DLG2: variants seen among roughly 807,000 people sequenced by gnomAD.
The protein encoded by DLG2 is disks large homolog 2.
Under a neutral mutation model 132.5 loss-of-function variants are expected in DLG2, and 45 were observed. That is an observed-to-expected ratio of 0.34 (90% confidence interval 0.27 to 0.44). The LOEUF is 0.44. DLG2 is among the 20% of genes least tolerant of loss of function. The probability of loss-of-function intolerance (pLI) is 1.00; values close to 1 mark genes in which losing one functional copy is unlikely to be tolerated. For synonymous variants in DLG2, 424 were observed against 419.6 expected, an observed-to-expected ratio of 1.01 and a Z score of -0.13; for missense variants, 1,045 against 1,196.9, an observed-to-expected ratio of 0.87 and a Z score of 1.87.
chr11:85,488,383 C>T (rs991023522), intron 3 of DLG2, among the ~76,000 whole-genome samples: 27 of 150,312 alleles, frequency 1.8e-4, no homozygotes, highest in African/African-American at 6.1e-4. Context: ...AGGGAGACTG[C>T]GTCTAAAAAA....
At chr11:84,589,501 G>C (rs1280047298) in intron 6 of DLG2, among the ~76,000 whole-genome samples, 1 of 151,990 alleles carries the variant, frequency 6.6e-6, no homozygotes, top group Non-Finnish European at 1.5e-5. Flanking sequence ...ACTAGGGGTG[G>C]GAGGAGGAGA....
At chr11:84,002,786 G>C (rs2094415888) in intron 11 of DLG2, among the ~76,000 whole-genome samples, 2 of 152,056 alleles carry the variant, frequency 1.3e-5, no homozygotes, top group South Asian at 2.1e-4. Context: ...CCATTGTCTT[G>C]GTGATTAACG....
At chr11:85,502,241 G>T (rs2093821281) in intron 3 of DLG2, among the ~76,000 whole-genome samples, 1 of 152,000 alleles carries the variant, frequency 6.6e-6, no homozygotes. Flanking sequence ...AGACAGGGAG[G>T]GGAACATCAC....
At chr11:84,093,636 A>G (rs1265308364) in intron 10 of DLG2, among the ~76,000 whole-genome samples, 1 of 151,680 alleles carries the variant, frequency 6.6e-6, no homozygotes, top group Non-Finnish European at 1.5e-5. Flanking sequence ...TTATTTTGAG[A>G]TGGGGTCTCG....
chr11:84,174,421 C>T (rs2095899806), intron 8 of DLG2, among the ~76,000 whole-genome samples: 1 of 152,130 alleles, frequency 6.6e-6, no homozygotes. Context: ...CTGTCCCCAA[C>T]CTACCTTTCT....
At chr11:83,903,862 A>T (rs1053605446) in intron 15 of DLG2, among the ~76,000 whole-genome samples, 3 of 152,194 alleles carry the variant, frequency 2.0e-5, no homozygotes, top group African/African-American at 7.2e-5. Flanking sequence ...AAATGTGCCA[A>T]GATTGGATGC....
intron 11 of DLG2, among the ~76,000 whole-genome samples, chr11:83,986,509 A>G (rs7107750): frequency 0.95 from 137,715 of 144,850 alleles, 65,509 homozygotes; most frequent in East Asian, 0.99. Flanking sequence ...GAATAGTGCC[A>G]CAATAAACAT....
In DLG2 at chr11:84,289,028, C is replaced by T. The variant is rs577410522; in HGVS notation, c.520-37737G>A. On this transcript the variant is annotated intron_variant, in intron 7 of 27. Coordinates refer to ENST00000376104, the MANE Select transcript of DLG2 (RefSeq NM_001142699.3). The stretch of plus-strand genomic sequence containing the variant: ...GCAAGGCCCTTAATCATGTCATATT[C>T]TTTTGGAGTCCTTTACTCAGCAATA... 5.3e-5 allele frequency among the ~76,000 whole-genome samples: 8 copies of T among 152,174 alleles called. No individual in the cohort carries two copies. The East Asian group carries it at 1.5e-3, about 29-fold the overall frequency.
chr11:83,927,603 A>G (rs1374975494), intron 15 of DLG2, among the ~76,000 whole-genome samples: 1 of 152,184 alleles, frequency 6.6e-6, no homozygotes, highest in Non-Finnish European at 1.5e-5. Context: ...GAGGTATCCA[A>G]GAGGCAGGCA....
chr11:83,622,234 T>C (rs1034055066), intron 19 of DLG2, among the ~76,000 whole-genome samples: 8 of 152,214 alleles, frequency 5.3e-5, no homozygotes, highest in African/African-American at 1.7e-4. Context: ...GGCTTTGCTA[T>C]TAATTTGTGA....
intron 7 of DLG2, among the ~76,000 whole-genome samples, chr11:84,399,081 A>G (rs2098820579): frequency 6.6e-6 from 1 of 152,156 alleles, no homozygotes; most frequent in South Asian, 2.1e-4. Context: ...AATTATCTTA[A>G]TTGTGTCTTT....
In DLG2 at chr11:85,342,307, A is replaced by AT. The variant is rs574137021; in HGVS notation, c.41-56943dup. On this transcript the variant is annotated intron_variant, in intron 3 of 27. Transcript: ENST00000376104. ...TTGTTTGTTAAGATTTTTTCTACCAATTTTTTTTTTACTTTTTAAACTTTT... is the reference window on the plus strand; with the variant it reads ...TTGTTTGTTAAGATTTTTTCTACCAATTTTTTTTTTTACTTTTTAAACTTTT... Among the ~76,000 whole-genome samples the AT allele has an allele frequency of 8.9e-3, 1,330 of 149,448 alleles. 46 individuals are homozygous for AT. Among genetic ancestry groups the AT allele is most frequent in the Admixed American group, 0.067 (1,010 of 14,984 alleles).
At chr11:83,541,908 G>C in intron 19 of DLG2, 50 bp from the exon 20 acceptor site, 1 of 1,511,094 alleles carries the variant, frequency 6.6e-7, no homozygotes, top group Non-Finnish European at 8.9e-7. Flanking sequence ...TGGCAGCACA[G>C]ATTTAGGATT....
At chr11:84,323,063 A>T (rs1053100137) in intron 7 of DLG2, among the ~76,000 whole-genome samples, 2 of 152,104 alleles carry the variant, frequency 1.3e-5, no homozygotes, top group East Asian at 1.9e-4. Flanking sequence ...AACACAAAAC[A>T]TAAGATCTAC....
chr11:83,940,864 G>A (rs1008513451), intron 14 of DLG2, among the ~76,000 whole-genome samples: 2 of 152,158 alleles, frequency 1.3e-5, no homozygotes, highest in African/African-American at 4.8e-5. Flanking sequence ...AGTATTAGAC[G>A]AAATGATGCA....
intron 7 of DLG2, among the ~76,000 whole-genome samples, chr11:84,335,274 G>C (rs1367655404): frequency 1.1e-4 from 17 of 151,544 alleles, no homozygotes; most frequent in African/African-American, 3.9e-4. Context: ...GGAAGGGAGG[G>C]AGGGAGGAAA....
At chr11:85,111,547 T>C in intron 6 of DLG2, 114 bp downstream of exon 6, 1 of 748,890 alleles carries the variant, frequency 1.3e-6, no homozygotes, top group Non-Finnish European at 2.1e-6. Flanking sequence ...CCTTGCAAAA[T>C]ATTTGCTTTA....
At chr11:84,598,542 T>C (rs543948542) in intron 6 of DLG2, among the ~76,000 whole-genome samples, 1 of 152,306 alleles carries the variant, frequency 6.6e-6, no homozygotes, top group Non-Finnish European at 1.5e-5. Context: ...TCTTCCCAGG[T>C]ACCACGCTTA....
At chr11:85,559,318 T>A (rs2153223364) in intron 3 of DLG2, among the ~76,000 whole-genome samples, 2 of 151,190 alleles carry the variant, frequency 1.3e-5, no homozygotes, top group East Asian at 3.9e-4. Flanking sequence ...ACCCAGCTAA[T>A]TTTTATATTT....
Sources: gnomAD v4.1 joint callset for allele counts (sites outside exome capture counted in the v4.1 genomes callset) on GRCh38, gnomAD v4.1.1 for gene constraint, MANE v1.5 for transcripts, NCBI Gene and HGNC (gene_info 2026-07-23, HGNC 2026-07-21) for gene names.